The following PPP1R14C variants were observed in gnomAD, a reference collection of about 807,000 sequenced individuals.
The protein encoded by PPP1R14C is protein phosphatase 1 regulatory inhibitor subunit 14C.
PPP1R14C carries 16 observed loss-of-function variants against 20.4 expected under a neutral mutation model. The observed-to-expected ratio is 0.78, with a 90% CI of 0.53 to 1.19. The LOEUF (loss-of-function observed/expected upper bound fraction) is 1.19, where lower values mean the gene tolerates loss of function less well. PPP1R14C is among the 50% of genes most tolerant of loss of function. The probability of loss-of-function intolerance (pLI) is 0.00; values close to 1 mark genes in which losing one functional copy is unlikely to be tolerated. For missense variants in PPP1R14C, 211 were observed against 220.1 expected, an observed-to-expected ratio of 0.96 and a Z score of 0.26; for synonymous variants, 91 against 91.0, an observed-to-expected ratio of 1.00 and a Z score of 0.00.
chr6:150,197,881 G>A (rs9479904), intron 1 of PPP1R14C, among the ~76,000 whole-genome samples: 12,325 of 116,102 alleles, frequency 0.11, 1,250 homozygotes, highest in South Asian at 0.23. Flanking sequence ...CAGTGGAGGA[G>A]GGCCTGGATG....
At chr6:150,184,319 C>T (rs1209419836) in intron 1 of PPP1R14C, among the ~76,000 whole-genome samples, 1 of 152,130 alleles carries the variant, frequency 6.6e-6, no homozygotes, top group African/African-American at 2.4e-5. Flanking sequence ...AGCCTAACTT[C>T]CTTTGGAAGG....
rs1016099630 is a variant in PPP1R14C at position 150,167,374 on chromosome 6, GA to G, written c.306+23883del. ...CAGAGCAAGACTCCGTCTCGGGGGGGAAAAAAACAAAAAGCAGAAAGAGTAG... is the reference window on the plus strand; with the variant it reads ...CAGAGCAAGACTCCGTCTCGGGGGGGAAAAAACAAAAAGCAGAAAGAGTAG... On this transcript the variant is annotated intron_variant, in intron 1 of 3. Coordinates refer to ENST00000361131, the MANE Select transcript of PPP1R14C (RefSeq NM_030949.3). Among the ~76,000 whole-genome samples, 252 of 151,854 alleles carry G rather than the reference GA, an allele frequency of 1.7e-3. 1 individual carries two copies. The highest frequency in any genetic ancestry group is 0.01 in the Middle Eastern group (3 of 294).
intron 1 of PPP1R14C, among the ~76,000 whole-genome samples, chr6:150,184,943 T>G (rs905517340): frequency 6.6e-6 from 1 of 152,244 alleles, no homozygotes; most frequent in African/African-American, 2.4e-5. Flanking sequence ...ATTCATCTGT[T>G]GGCAGTGGGA....
At chr6:150,179,440 A>AGGGG (rs889867188) in intron 1 of PPP1R14C, among the ~76,000 whole-genome samples, 1 of 78,112 alleles carries the variant, frequency 1.3e-5, no homozygotes, top group African/African-American at 5.1e-5. Flanking sequence ...GGAGGGAGGG[A>AGGGG]GGGAGGGTCG....
chr6:150,162,819 G>A (rs181108758), intron 1 of PPP1R14C, among the ~76,000 whole-genome samples: 1 of 152,178 alleles, frequency 6.6e-6, no homozygotes, highest in Non-Finnish European at 1.5e-5. Flanking sequence ...TTCAGCTCAC[G>A]AGTAGTGCTA....
At chr6:150,155,918 A>G (rs1239175901) in intron 1 of PPP1R14C, among the ~76,000 whole-genome samples, 2 of 150,178 alleles carry the variant, frequency 1.3e-5, no homozygotes, top group African/African-American at 4.9e-5. Flanking sequence ...CCAGCTACTC[A>G]GGAGGCTGAG....
chr6:150,160,153 G>A (rs1275026553), intron 1 of PPP1R14C, among the ~76,000 whole-genome samples: 1 of 151,814 alleles, frequency 6.6e-6, no homozygotes, highest in Non-Finnish European at 1.5e-5. Flanking sequence ...TTCACCTTGA[G>A]CACCTGGCTG....
chr6:150,195,155 A>T (rs4870368), intron 1 of PPP1R14C: 22 of 984,076 alleles, frequency 2.2e-5, no homozygotes, highest in Non-Finnish European at 2.5e-5. Flanking sequence ...TCAGAAAATG[A>T]GTTTTATGGT....
intron 1 of PPP1R14C, among the ~76,000 whole-genome samples, chr6:150,204,405 G>A (rs1027764300): frequency 6.6e-5 from 10 of 152,108 alleles, no homozygotes; most frequent in African/African-American, 9.7e-5. Context: ...CTCTTTGAAT[G>A]CTGTGGTTTT....
At position 150,178,035 on chromosome 6, in the gene PPP1R14C, A is replaced by G. The variant is rs565534598; in HGVS notation, c.306+34537A>G. Among the ~76,000 whole-genome samples the G allele has an allele frequency of 3.3e-5, 5 of 152,300 alleles. No homozygotes were observed. The East Asian group carries it at 9.7e-4, about 29-fold the overall frequency. ...TGCTGTTCCCAGGCAGCTGTGTGTCATAGTTACAGTCTCCTAGAGGGCTTG... is the reference window on the plus strand; with the variant it reads ...TGCTGTTCCCAGGCAGCTGTGTGTCGTAGTTACAGTCTCCTAGAGGGCTTG... On this transcript the variant is annotated intron_variant, in intron 1 of 3. Transcript: ENST00000361131.
intron 1 of PPP1R14C, among the ~76,000 whole-genome samples, chr6:150,170,573 C>T (rs1397720089): frequency 2.0e-5 from 3 of 152,106 alleles, no homozygotes; most frequent in Admixed American, 6.6e-5. Context: ...CCGCCCGCCT[C>T]GGCCTCCCAA....
chr6:150,187,684 C>G (rs913392468), intron 1 of PPP1R14C, among the ~76,000 whole-genome samples: 82 of 152,168 alleles, frequency 5.4e-4, no homozygotes, highest in African/African-American at 2.0e-3. Context: ...TTTTCTTTAT[C>G]TAGTCTATCA....
chr6:150,209,841 T>TTGTGTGTG (rs148237324), intron 1 of PPP1R14C, among the ~76,000 whole-genome samples: 1 of 143,746 alleles, frequency 7.0e-6, no homozygotes, highest in African/African-American at 2.6e-5. Flanking sequence ...GTGTATATAT[T>TTGTGTGTG]TGTGTGTGTG....
chr6:150,242,855 A>T (rs928596017), intron 3 of PPP1R14C, among the ~76,000 whole-genome samples: 2 of 152,230 alleles, frequency 1.3e-5, no homozygotes, highest in African/African-American at 4.8e-5. Flanking sequence ...AGCTTGCAGG[A>T]TACAAGATAA....
chr6:150,184,440 G>A (rs954350401), intron 1 of PPP1R14C, among the ~76,000 whole-genome samples: 5 of 152,168 alleles, frequency 3.3e-5, no homozygotes, highest in African/African-American at 7.2e-5. Context: ...CATGGAGTAG[G>A]TTGTACCATC....
intron 1 of PPP1R14C, among the ~76,000 whole-genome samples, chr6:150,183,485 C>T (rs554982637): frequency 2.8e-4 from 43 of 152,124 alleles, no homozygotes; most frequent in South Asian, 1.9e-3. Context: ...CATCTGACTG[C>T]GGGTTCTACC....
At chr6:150,211,506 G>A (rs572515216) in intron 1 of PPP1R14C, among the ~76,000 whole-genome samples, 4 of 152,290 alleles carry the variant, frequency 2.6e-5, no homozygotes, top group African/African-American at 9.6e-5. Flanking sequence ...GGGACGTCAT[G>A]GTGGGCCATG....
chr6:150,151,553 G>A (rs1465047902), intron 1 of PPP1R14C, among the ~76,000 whole-genome samples: 1 of 152,110 alleles, frequency 6.6e-6, no homozygotes, highest in Non-Finnish European at 1.5e-5. Context: ...CACTCTTTCT[G>A]CTACTGCACC....
chr6:150,194,626 C>T (rs1777781724), intron 1 of PPP1R14C: 29 of 984,336 alleles, frequency 2.9e-5, no homozygotes, highest in Non-Finnish European at 3.5e-5. Flanking sequence ...TATTAAACCA[C>T]CTTGGCTTCT....
Sources: allele counts gnomAD v4.1 joint callset (sites outside exome capture counted in the v4.1 genomes callset), GRCh38; gene constraint gnomAD v4.1.1; transcripts MANE v1.5; gene names NCBI Gene and HGNC (gene_info 2026-07-23, HGNC 2026-07-21).